Variants in PPM1B observed in about 807,000 individuals in gnomAD.
The protein encoded by PPM1B is protein phosphatase, Mg2+/Mn2+ dependent 1B.
PPM1B carries 22 observed loss-of-function variants against 43.0 expected under a neutral mutation model. The observed-to-expected ratio is 0.51, with a 90% confidence interval of 0.37 to 0.73. PPM1B has a LOEUF of 0.73. PPM1B is among the 30% of genes least tolerant of loss of function. The probability of loss-of-function intolerance (pLI) is 0.00; values close to 1 mark genes in which losing one functional copy is unlikely to be tolerated. For missense variants in PPM1B, 632 were observed against 584.2 expected (o/e 1.08, Z -0.84); for synonymous variants, 217 against 197.9 (o/e 1.10, Z -0.81).
At chr2:44,193,809 C>T (rs1302458501) in intron 1 of PPM1B, among the ~76,000 whole-genome samples, 3 of 152,054 alleles carry the variant, frequency 2.0e-5, no homozygotes, top group African/African-American at 7.2e-5. Flanking sequence ...GAACTCCTGA[C>T]GTAAGGTGAT....
In PPM1B at chr2:44,201,245, C is replaced by T. The variant is rs1260057629; in HGVS notation, c.46C>T (p.His16Tyr). ...ACCCAAAACTGAAAAACATAATGCT[C>T]ATGGTGCTGGGAATGGTTTACGTTA... ...DKPKTEKHNA[H>Y]GAGNGLRYGL... Residue 16 changes from histidine to tyrosine, a missense_variant, in exon 2 of 6, where the codon CAT (histidine) becomes TAT (tyrosine). By Grantham distance (83) the His-to-Tyr change is moderately conservative. This residue lies in a region of PPM1B where 200 missense variants were observed against 200.7 expected (regional missense o/e 1.00). Transcript: ENST00000282412. This position sits in a 1 kb window ranked among gnomAD's most constrained non-coding sequence, Gnocchi z 5.4. The T allele has an allele frequency of 6.8e-6, 11 of 1,610,664 alleles. No individual in the cohort carries two copies. The highest frequency in any genetic ancestry group is 2.2e-5 in the East Asian group (1 of 44,818).
intron 3 of PPM1B, among the ~76,000 whole-genome samples, chr2:44,215,849 A>G (rs1004408546): frequency 2.0e-5 from 3 of 152,130 alleles, no homozygotes; most frequent in Non-Finnish European, 4.4e-5. Flanking sequence ...GCAACAAGGA[A>G]TATTGGTTAG....
downstream of PPM1B, among the ~76,000 whole-genome samples, chr2:44,239,143 C>T (rs1670692066): frequency 7.4e-6 from 1 of 134,574 alleles, no homozygotes; most frequent in Non-Finnish European, 1.5e-5. Context: ...CACTGCATGC[C>T]AGCCTGGGTA....
intron 1 of PPM1B, among the ~76,000 whole-genome samples, chr2:44,188,335 C>G (rs1668225801): frequency 6.6e-6 from 1 of 150,930 alleles, no homozygotes; most frequent in South Asian, 2.1e-4. Flanking sequence ...TAGTTTTTTC[C>G]TTCTCTTCTC....
chr2:44,234,071 T>C, downstream of PPM1B: 1 of 969,102 alleles, frequency 1.0e-6, no homozygotes, highest in Non-Finnish European at 1.2e-6. Context: ...GTGTGACATA[T>C]TACTATTTGG....
At chr2:44,237,623 G>T (rs1670653911), downstream of PPM1B, among the ~76,000 whole-genome samples, 1 of 152,114 alleles carries the variant, frequency 6.6e-6, no homozygotes, top group Non-Finnish European at 1.5e-5. Flanking sequence ...GAAAGACTGG[G>T]CTTTACTTCT....
rs766611542 is a variant in PPM1B at position 44,218,028 on chromosome 2, G to T, written c.1026G>T (p.Leu342Phe). 1 of 1,613,154 alleles carries T rather than the reference G, an allele frequency of 6.2e-7. No homozygotes were observed. The highest frequency in any genetic ancestry group is 1.1e-5 in the South Asian group (1 of 90,892). Residue 342 changes from leucine to phenylalanine, a missense_variant, in exon 4 of 6, where the codon TTG becomes TTT. Coordinates refer to ENST00000282412, the MANE Select transcript of PPM1B (RefSeq NM_002706.6). ...ATCTTGCCCATGTCATGCGCATCTT[G>T]TCTGCAGAAAATATCCCAAATTTGC... Reference protein sequence around the residue: ...MPDLAHVMRILSAENIPNLPP... With the variant: ...MPDLAHVMRIFSAENIPNLPP...
chr2:44,218,510 A>T lies in PPM1B; in HGVS notation c.1107A>T (p.Arg369Ser). The change falls in exon 5 of 6, where the codon AGA (arginine) becomes AGT (serine). Residue 369 changes from arginine to serine, a missense_variant. By Grantham distance (110) the Arg-to-Ser change is moderately radical (BLOSUM62 -1). This residue lies in a region of PPM1B where 392 missense variants were observed against 302.7 expected (regional missense o/e 1.29). Coordinates refer to ENST00000282412, the MANE Select transcript of PPM1B (RefSeq NM_002706.6). ...ATGTTATTGAAGCTGTTTATAGTAG[A>T]CTGAATCCACATAGAGAAAGTGATG... ...KRNVIEAVYS[R>S]LNPHRESDGA... is the part of the protein sequence containing the mutation. 1 of 1,586,608 alleles carries T rather than the reference A, an allele frequency of 6.3e-7. No homozygotes were observed. Among genetic ancestry groups the T allele is most frequent in the Non-Finnish European group, 8.5e-7 (1 of 1,170,514 alleles).
intron 5 of PPM1B, among the ~76,000 whole-genome samples, chr2:44,229,055 G>T (rs1471425932): frequency 6.6e-6 from 1 of 151,808 alleles, no homozygotes. Context: ...GGTGTCACAT[G>T]CCTGTAATCC....
chr2:44,216,623 C>G (rs1669730991), intron 3 of PPM1B, among the ~76,000 whole-genome samples: 3 of 152,092 alleles, frequency 2.0e-5, no homozygotes, highest in Admixed American at 1.3e-4. Flanking sequence ...ATTGAAACCT[C>G]AAGGATGAAA....
Position 44,230,417 on chromosome 2 carries a change from C to T in PPM1B, c.1139C>T (p.Ser380Phe), listed in dbSNP as rs1670417343. ...LNPHRESDGA[S>F]DEAEESGSQG... is the part of the protein sequence containing the mutation. ...GGTCTTGAATCTTAAAAAAAGGCCT[C>T]CGATGAAGCAGAGGAAAGTGGATCA... The change falls in exon 6 of 6, where the codon TCC becomes TTC. Residue 380 changes from serine (S) to phenylalanine (F), a missense_variant. By Grantham distance (155) the Ser-to-Phe change is radical. This residue lies in a region of PPM1B where 392 missense variants were observed against 302.7 expected (regional missense o/e 1.29). Transcript: ENST00000282412. 6.2e-7 allele frequency: 1 copy of T among 1,613,000 alleles called. No homozygotes were observed. The highest frequency in any genetic ancestry group is 8.5e-7 in the Non-Finnish European group (1 of 1,179,480).
chr2:44,234,521 A>G (rs1572764563), downstream of PPM1B: 1 of 962,260 alleles, frequency 1.0e-6, no homozygotes, highest in Non-Finnish European at 1.2e-6. Flanking sequence ...CCGTCTCAAA[A>G]AAAAAAAAAA....
rs1192133594 is a variant in PPM1B, at chr2:44,201,645, G to C, written c.446G>C (p.Cys149Ser). The change falls in exon 2 of 6, where the codon TGT becomes TCT. Residue 149 changes from cysteine (C) to serine (S), a missense_variant. Coordinates refer to ENST00000282412, the MANE Select transcript of PPM1B (RefSeq NM_002706.6). This position sits in a 1 kb window ranked among gnomAD's most constrained non-coding sequence, Gnocchi z 5.4. ...CCTAAGCATATCTACTTTATCAACT[G>C]TGGTGATTCACGTGCTGTTCTGTAT... is the stretch of plus-strand genomic sequence containing the variant. Reference protein sequence around the residue: ...ISPKHIYFINCGDSRAVLYRN... With the variant: ...ISPKHIYFINSGDSRAVLYRN... 6.2e-7 allele frequency: 1 copy of C among 1,614,076 alleles called. No individual in the cohort carries two copies. The highest frequency in any genetic ancestry group is 1.3e-5 in the African/African-American group (1 of 74,930).
downstream of PPM1B, among the ~76,000 whole-genome samples, chr2:44,232,044 A>G (rs1670483860): frequency 6.6e-6 from 1 of 152,112 alleles, no homozygotes; most frequent in Non-Finnish European, 1.5e-5. Flanking sequence ...GTTTTGATGT[A>G]TTTTTCCAAT....
At chr2:44,195,226 C>G (rs1448042317) in intron 1 of PPM1B, among the ~76,000 whole-genome samples, 1 of 144,814 alleles carries the variant, frequency 6.9e-6, no homozygotes, top group East Asian at 2.1e-4. Context: ...TTTCAAGAGA[C>G]AGGGACTCAC....
At chr2:44,184,881 T>C (rs1668048103) in intron 1 of PPM1B, among the ~76,000 whole-genome samples, 1 of 151,528 alleles carries the variant, frequency 6.6e-6, no homozygotes, top group Non-Finnish European at 1.5e-5. Flanking sequence ...AAGTCAGATA[T>C]TTCTATATCA....
In PPM1B at chr2:44,231,196, A is replaced by G; in HGVS notation, c.*478A>G. On this transcript the variant is annotated 3_prime_UTR_variant, in exon 6 of 6. Transcript: ENST00000282412. ...ATGCTGGCCTGTAATTTTTCTTTCAAGGATGATAATTTGTGTGTTGTTTGA... is the reference window on the plus strand; with the variant it reads ...ATGCTGGCCTGTAATTTTTCTTTCAGGGATGATAATTTGTGTGTTGTTTGA... The G allele has an allele frequency of 7.1e-6, 7 of 984,204 alleles. No individual in the cohort carries two copies. The highest frequency in any genetic ancestry group is 8.4e-6 in the Non-Finnish European group (7 of 828,818). The allele number at this position is 984,204 out of a possible 1,614,324, so 61.0% of individuals were successfully genotyped here. A position where few individuals can be genotyped will look rare whatever the true frequency, so the allele number is the denominator to read the frequency against.
chr2:44,170,816 A>G (rs185541553), intron 1 of PPM1B, among the ~76,000 whole-genome samples: 68 of 152,348 alleles, frequency 4.5e-4, no homozygotes, highest in Non-Finnish European at 2.9e-4. Flanking sequence ...ATGTTTTTGT[A>G]GGTCTGCCAA....
At chr2:44,228,158 G>C (rs193005215) in intron 5 of PPM1B, among the ~76,000 whole-genome samples, 1 of 145,012 alleles carries the variant, frequency 6.9e-6, no homozygotes, top group African/African-American at 2.5e-5. Flanking sequence ...TCCTGACCTC[G>C]TGATCCACCC....
Sources: allele counts gnomAD v4.1 joint callset (sites outside exome capture counted in the v4.1 genomes callset), GRCh38; gene constraint gnomAD v4.1.1; regional missense constraint gnomAD v4.1.1; non-coding constraint Gnocchi (gnomAD v3.1); transcripts MANE v1.5; gene names NCBI Gene and HGNC (gene_info 2026-07-23, HGNC 2026-07-21).